Variants in SEMA7A observed in about 807,000 individuals in gnomAD.
SEMA7A encodes semaphorin-7A.
Under a neutral mutation model 67.5 loss-of-function variants are expected in SEMA7A, and 21 were observed. The ratio of observed to expected loss-of-function variants is 0.31; its 90% CI spans 0.22 to 0.45. The LOEUF (loss-of-function observed/expected upper bound fraction) is 0.45. Among genes scored for constraint, SEMA7A ranks in the 20% least tolerant of loss-of-function variants. The pLI is 1.00. For missense variants in SEMA7A, 774 were observed against 908.6 expected (o/e 0.85, Z 1.90); for synonymous variants, 364 against 368.5 (o/e 0.99, Z 0.14).
chr15:74,425,592 C>G (rs1250068729), intron 1 of SEMA7A, among the ~76,000 whole-genome samples: 6 of 152,228 alleles, frequency 3.9e-5, no homozygotes, highest in African/African-American at 1.4e-4. Context: ...CCGTAACACC[C>G]TGAAGACAGT....
Position 74,414,597 on chromosome 15 carries a change from C to A in SEMA7A, c.1244G>T (p.Arg415Leu), listed in dbSNP as rs771316934. The change falls in exon 10 of 14, where the codon CGC becomes CTC. Residue 415 changes from arginine to leucine, a missense_variant. Around this residue, in one of 2 missense-constraint regions of SEMA7A, gnomAD observed 427 missense variants for 555.4 expected, o/e 0.77. Coordinates refer to ENST00000261918, the MANE Select transcript of SEMA7A (RefSeq NM_003612.5). The surrounding 1 kb of genome is among the most constrained non-coding windows in gnomAD (Gnocchi z 4.1). The part of the protein sequence containing the change: ...KYHYQKVAVH[R>L]MQASHGETFH... ...GGTCTCCCCGTGGCTGGCTTGCATG[C>A]GGTGGACGGCCACTTTCTGGTAGTG... is the stretch of plus-strand genomic sequence containing the variant. The A allele has an allele frequency of 3.7e-6, 6 of 1,614,096 alleles. No individual in the cohort carries two copies. Among genetic ancestry groups the A allele is most frequent in the Admixed American group, 3.3e-5 (2 of 60,010 alleles).
intron 7 of SEMA7A, 88 bp downstream of exon 7, chr15:74,416,487 T>G (rs2060949479): frequency 1.4e-6 from 2 of 1,425,308 alleles, no homozygotes; most frequent in Admixed American, 3.8e-5. Context: ...ACACAACTTC[T>G]ACATGCACAC....
chr15:74,409,794 C>G lies in SEMA7A; in HGVS notation c.*830G>C, dbSNP rs920369639. ...CACTAGGGGCTCCAACAACGTCCCC[C>G]TCAGACCGGGCTCCCAGGGCAGAGC... On this transcript the variant is annotated 3_prime_UTR_variant, in exon 14 of 14. Coordinates refer to ENST00000261918, the MANE Select transcript of SEMA7A (RefSeq NM_003612.5). The G allele has an allele frequency of 6.7e-6, 1 of 150,366 alleles. No individual in the cohort carries two copies. The highest frequency in any genetic ancestry group is 6.6e-5 in the Admixed American group (1 of 15,142). 9.3% of individuals were successfully genotyped at this position (150,366 alleles called of 1,614,324 possible).
chr15:74,417,147 C>T (rs1490034113), intron 6 of SEMA7A, among the ~76,000 whole-genome samples, 188 bp downstream of exon 6: 2 of 152,178 alleles, frequency 1.3e-5, no homozygotes, highest in Non-Finnish European at 2.9e-5. Context: ...GCCCATCCCA[C>T]TGCTATACCT....
At chr15:74,424,538 T>G (rs1192388759) in intron 1 of SEMA7A, among the ~76,000 whole-genome samples, 4 of 152,156 alleles carry the variant, frequency 2.6e-5, no homozygotes, top group Non-Finnish European at 5.9e-5. Context: ...ACAGGAAAAC[T>G]AATGCCCTTC....
Position 74,410,019 on chromosome 15 carries a change from T to C in SEMA7A, c.*605A>G. 1 of 140,050 alleles carries C rather than the reference T, an allele frequency of 7.1e-6. No individual in the cohort carries two copies. Among genetic ancestry groups the C allele is most frequent in the East Asian group, 2.2e-4 (1 of 4,638 alleles). The allele number at this position is 140,050 out of a possible 1,614,324, so 8.7% of individuals were successfully genotyped here. A position where few individuals can be genotyped will look rare whatever the true frequency, so the allele number is the denominator to read the frequency against. On this transcript the variant is annotated 3_prime_UTR_variant, in exon 14 of 14. Coordinates refer to ENST00000261918, the MANE Select transcript of SEMA7A (RefSeq NM_003612.5). The surrounding 1 kb of genome is among the most constrained non-coding windows in gnomAD (Gnocchi z 7.5). ...AGCTATACATGAAATAAGCCTAACA[T>C]AAAAATAGAGCTTTTTCCGTCCTTC...
At chr15:74,418,458 A>T in intron 2 of SEMA7A, 149 bp from the exon 3 acceptor site, 1 of 803,500 alleles carries the variant, frequency 1.2e-6, no homozygotes, top group South Asian at 1.5e-5. Flanking sequence ...AGGGTGAGTG[A>T]TCTACCTGAG....
Position 74,411,700 on chromosome 15 carries a change from T to G in SEMA7A, c.1433A>C (p.Tyr478Ser). The G allele has an allele frequency of 6.2e-7, 1 of 1,613,252 alleles. No individual in the cohort carries two copies. The highest frequency in any genetic ancestry group is 8.5e-7 in the Non-Finnish European group (1 of 1,179,992). Reference protein sequence around the residue: ...MSLDAERRKLYVSSQWEVSQV... With the variant: ...MSLDAERRKLSVSSQWEVSQV... ...GCTCACCTCCCACTGGGAGCTCACA[T>G]ACAGCTTCCTCTGGAAGGACAGCAG... The change falls in exon 12 of 14, where the codon TAT becomes TCT. Residue 478 changes from tyrosine to serine, a missense_variant. Tyr to Ser is a moderately radical substitution (Grantham distance 144). Around this residue, in one of 2 missense-constraint regions of SEMA7A, gnomAD observed 427 missense variants for 555.4 expected, o/e 0.77. Transcript: ENST00000261918. This position sits in a 1 kb window ranked among gnomAD's most constrained non-coding sequence, Gnocchi z 4.4.
chr15:74,417,502 C>T (rs191248790), intron 5 of SEMA7A, 57 bp from the exon 6 acceptor site: 1 of 1,586,968 alleles, frequency 6.3e-7, no homozygotes, highest in African/African-American at 1.3e-5. Context: ...GAAGTCCCTC[C>T]TCCGGACACT....
In SEMA7A at chr15:74,418,846, G is replaced by A. The variant is rs1157394749; in HGVS notation, c.285C>T (p.Val95=). 3.1e-6 allele frequency: 5 copies of A among 1,613,818 alleles called. No individual in the cohort carries two copies. The African/African-American group carries it at 6.7e-5, about 22-fold the overall frequency. ...SSVWVGGRGK[V]YLFDFPEGKN... ...TGCCCTCGGGGAAGTCAAAGAGGTA[G>A]ACCTTGCCACGTCCTCCCACCCACA... Residue 95 remains valine, a synonymous_variant, in exon 2 of 14, where the codon GTC becomes GTT. Coordinates refer to ENST00000261918, the MANE Select transcript of SEMA7A (RefSeq NM_003612.5).
At chr15:74,421,657 G>A (rs1251311509) in intron 1 of SEMA7A, among the ~76,000 whole-genome samples, 3 of 152,176 alleles carry the variant, frequency 2.0e-5, no homozygotes, top group East Asian at 1.9e-4. Flanking sequence ...CTCCCGCACC[G>A]CCTGAGGCCC....
rs1377340079 is a variant in SEMA7A at position 74,411,340 on chromosome 15, T to C, written c.1594A>G (p.Ile532Val). The change falls in exon 13 of 14, where the codon ATT becomes GTT. Residue 532 changes from isoleucine (I) to valine (V), a missense_variant. Around this residue, in one of 2 missense-constraint regions of SEMA7A, gnomAD observed 427 missense variants for 555.4 expected, o/e 0.77. Transcript: ENST00000261918. The surrounding 1 kb of genome is among the most constrained non-coding windows in gnomAD (Gnocchi z 4.4). ...TCCTTGTGTGGCTCGGCTGGATTAA[T>C]GGATTGCAGCACTGACCTGGAGTGG... ...YSSERSVLQSINPAEPHKECP... is the reference protein window; with the variant it reads ...YSSERSVLQSVNPAEPHKECP... 1.2e-6 allele frequency: 2 copies of C among 1,614,010 alleles called. No individual in the cohort carries two copies. The highest frequency in any genetic ancestry group is 2.2e-5 in the East Asian group (1 of 44,874).
Position 74,416,620 on chromosome 15 carries a change from A to G in SEMA7A, c.756T>C (p.Asn252=). ...YFFREDNPDK[N]PEAPLNVSRV... ...GGGACACATTGAGAGGAGCCTCAGGATTCTTGTCAGGATTGTCCTCTCGGA... is the reference window on the plus strand; with the variant it reads ...GGGACACATTGAGAGGAGCCTCAGGGTTCTTGTCAGGATTGTCCTCTCGGA... The change falls in exon 7 of 14, where the codon AAT becomes AAC. Residue 252 remains asparagine, a synonymous_variant. Coordinates refer to ENST00000261918, the MANE Select transcript of SEMA7A (RefSeq NM_003612.5). 6.2e-7 allele frequency: 1 copy of G among 1,614,080 alleles called. No homozygotes were observed. Among genetic ancestry groups the G allele is most frequent in the Non-Finnish European group, 8.5e-7 (1 of 1,179,978 alleles).
Position 74,411,235 on chromosome 15 carries a change from C to G in SEMA7A, c.1639+60G>C, listed in dbSNP as rs1354547322. The G allele has an allele frequency of 7.7e-6, 12 of 1,552,552 alleles. No homozygotes were observed. Among genetic ancestry groups the G allele is most frequent in the South Asian group, 1.2e-5 (1 of 85,748 alleles). On this transcript the variant is annotated intron_variant, in intron 13 of 13. Coordinates refer to ENST00000261918, the MANE Select transcript of SEMA7A (RefSeq NM_003612.5). The surrounding 1 kb of genome is among the most constrained non-coding windows in gnomAD (Gnocchi z 4.4). ...CATGTCTCCCTCAGACCAGGACAAT[C>G]AGGGCAGGGCAGTACCCCACTCATT...
chr15:74,420,487 G>A (rs1443113476), intron 1 of SEMA7A, among the ~76,000 whole-genome samples: 1 of 152,196 alleles, frequency 6.6e-6, no homozygotes, highest in African/African-American at 2.4e-5. Flanking sequence ...CTCTCCTGGT[G>A]CACATCACAA....
At chr15:74,421,578 G>C (rs2061000589) in intron 1 of SEMA7A, among the ~76,000 whole-genome samples, 2 of 152,208 alleles carry the variant, frequency 1.3e-5, no homozygotes, top group African/African-American at 4.8e-5. Flanking sequence ...GTATGGACTA[G>C]AGGGAATGAC....
At chr15:74,416,826 A>T in intron 6 of SEMA7A, 112 bp from the exon 7 acceptor site, 1 of 1,232,032 alleles carries the variant, frequency 8.1e-7, no homozygotes, top group Non-Finnish European at 1.2e-6. Context: ...ATGGCAAATC[A>T]GATCTGGAAT....
At chr15:74,431,704 C>T (rs1455269523) in intron 1 of SEMA7A, among the ~76,000 whole-genome samples, 1 of 152,246 alleles carries the variant, frequency 6.6e-6, no homozygotes, top group East Asian at 1.9e-4. Flanking sequence ...TGTGTCACCC[C>T]ACAGGAGACA....
intron 10 of SEMA7A, among the ~76,000 whole-genome samples, chr15:74,413,759 G>C (rs140260823): frequency 6.6e-6 from 1 of 152,190 alleles, no homozygotes; most frequent in Non-Finnish European, 1.5e-5. Flanking sequence ...CACCAAAGCC[G>C]AGACAGTTCC....
Sources: gnomAD v4.1 joint callset for allele counts (sites outside exome capture counted in the v4.1 genomes callset) on GRCh38, gnomAD v4.1.1 for gene constraint, gnomAD v4.1.1 regional missense constraint, Gnocchi (gnomAD v3.1) non-coding constraint, MANE v1.5 for transcripts, NCBI Gene and HGNC (gene_info 2026-07-23, HGNC 2026-07-21) for gene names.